The following CPQ variants were observed in gnomAD, a reference collection of about 807,000 sequenced individuals.
CPQ encodes carboxypeptidase Q, also known as Ser-Met dipeptidase.
Under a neutral mutation model 45.7 loss-of-function variants are expected in CPQ, and 37 were observed. The observed-to-expected ratio is 0.81, with a 90% CI of 0.62 to 1.07. CPQ has a LOEUF of 1.07. Among genes scored for constraint, CPQ ranks in the 50% least tolerant of loss-of-function variants. The pLI, the probability that CPQ is intolerant of heterozygous loss-of-function variation, is 0.00. For missense variants in CPQ, 537 were observed against 572.9 expected, an observed-to-expected ratio of 0.94 and a Z score of 0.64; for synonymous variants, 186 against 205.8, an observed-to-expected ratio of 0.90 and a Z score of 0.82.
intron 5 of CPQ, among the ~76,000 whole-genome samples, chr8:96,967,202 C>T (rs1470140909): frequency 6.6e-6 from 1 of 152,116 alleles, no homozygotes; most frequent in Non-Finnish European, 1.5e-5. Flanking sequence ...CATTTTTCCT[C>T]TTCAAAAATC....
intron 4 of CPQ, among the ~76,000 whole-genome samples, chr8:96,887,660 C>T (rs1812322516): frequency 1.3e-5 from 2 of 152,150 alleles, no homozygotes; most frequent in Non-Finnish European, 2.9e-5. Context: ...TTTTGATCCC[C>T]AGCAATTTCC....
chr8:96,708,718 A>G (rs183371698), intron 1 of CPQ, among the ~76,000 whole-genome samples: 1 of 152,216 alleles, frequency 6.6e-6, no homozygotes, highest in East Asian at 1.9e-4. Flanking sequence ...GTTCTAGATC[A>G]TCCTATCACC....
intron 7 of CPQ, among the ~76,000 whole-genome samples, chr8:97,077,611 G>T (rs1199017766): frequency 6.6e-6 from 1 of 152,104 alleles, no homozygotes; most frequent in Admixed American, 6.6e-5. Flanking sequence ...TGTATACTTT[G>T]TGGTAGTAAA....
At chr8:96,726,952 C>T (rs1044957551) in intron 1 of CPQ, among the ~76,000 whole-genome samples, 1 of 152,124 alleles carries the variant, frequency 6.6e-6, no homozygotes, top group Admixed American at 6.5e-5. Context: ...TTATAAATTA[C>T]CCAGTTTCAG....
chr8:96,734,703 T>G (rs1354471334), intron 1 of CPQ, among the ~76,000 whole-genome samples: 1 of 148,574 alleles, frequency 6.7e-6, no homozygotes, highest in Non-Finnish European at 1.5e-5. Context: ...AGAGCGAGAC[T>G]CCATCTCAAA....
At chr8:96,787,671 A>T (rs1586400898) in intron 2 of CPQ, among the ~76,000 whole-genome samples, 1 of 151,478 alleles carries the variant, frequency 6.6e-6, no homozygotes, top group East Asian at 1.9e-4. Flanking sequence ...GGTAGAATTC[A>T]CCAGTGAAGC....
intron 6 of CPQ, among the ~76,000 whole-genome samples, chr8:97,030,325 C>T (rs893631652): frequency 2.0e-5 from 3 of 151,454 alleles, no homozygotes; most frequent in Non-Finnish European, 2.9e-5. Flanking sequence ...TTATCCAAAT[C>T]GGAGAAGGGT....
At chr8:97,040,636 A>G (rs1810102326) in intron 6 of CPQ, among the ~76,000 whole-genome samples, 1 of 152,208 alleles carries the variant, frequency 6.6e-6, no homozygotes, top group Non-Finnish European at 1.5e-5. Flanking sequence ...TTAAGTCTTT[A>G]ATCCATCTTG....
chr8:96,908,747 G>GCACACACACACACACACGCGCACACACA (rs1554577101), intron 4 of CPQ, among the ~76,000 whole-genome samples: 1 of 140,918 alleles, frequency 7.1e-6, no homozygotes, highest in Non-Finnish European at 1.6e-5. Flanking sequence ...ATACACATGC[G>GCACACACACACACACACGCGCACACACA]CACACACACA....
intron 1 of CPQ, among the ~76,000 whole-genome samples, chr8:96,746,784 G>C (rs1810189612): frequency 6.6e-6 from 1 of 152,172 alleles, no homozygotes; most frequent in Non-Finnish European, 1.5e-5. Flanking sequence ...GTATTGCTCT[G>C]ATGTGGATAG....
At chr8:96,651,004 C>T (rs1278359710) in intron 1 of CPQ, among the ~76,000 whole-genome samples, 1 of 152,186 alleles carries the variant, frequency 6.6e-6, no homozygotes, top group Non-Finnish European at 1.5e-5. Context: ...CAAGATACAT[C>T]TCTAGTAGCC....
chr8:97,109,038 A>G (rs950082652), intron 7 of CPQ, among the ~76,000 whole-genome samples: 3 of 152,138 alleles, frequency 2.0e-5, no homozygotes, highest in African/African-American at 7.2e-5. Context: ...TGAGCATTAA[A>G]TTTACCTTAG....
At chr8:96,876,173 T>A (rs1399152771) in intron 3 of CPQ, among the ~76,000 whole-genome samples, 3 of 152,074 alleles carry the variant, frequency 2.0e-5, no homozygotes, top group African/African-American at 7.2e-5. Flanking sequence ...TCTGCTAACC[T>A]TGATGAACTT....
At chr8:96,860,307 T>A (rs1389399576) in intron 3 of CPQ, among the ~76,000 whole-genome samples, 1 of 152,186 alleles carries the variant, frequency 6.6e-6, no homozygotes, top group Non-Finnish European at 1.5e-5. Context: ...AAATCACTAA[T>A]AATAGCATAT....
chr8:96,874,760 TA>T (rs1452993795), intron 3 of CPQ, among the ~76,000 whole-genome samples: 2 of 151,932 alleles, frequency 1.3e-5, no homozygotes, highest in Non-Finnish European at 2.9e-5. Flanking sequence ...AGGTTGTTTC[TA>T]CCTTTTGACT....
At chr8:97,122,917 TAAAA>T (rs1811736675) in intron 7 of CPQ, among the ~76,000 whole-genome samples, 1 of 59,386 alleles carries the variant, frequency 1.7e-5, no homozygotes, top group Non-Finnish European at 2.7e-5. Flanking sequence ...TAAAATAAAA[TAAAA>T]TAAAATAAAT....
chr8:97,109,144 T>G (rs1811459757), intron 7 of CPQ, among the ~76,000 whole-genome samples: 1 of 152,166 alleles, frequency 6.6e-6, no homozygotes, highest in African/African-American at 2.4e-5. Context: ...TTCCCCACCC[T>G]TCACTGGCCC....
chr8:96,781,591 C>T (rs1183413719), intron 1 of CPQ, among the ~76,000 whole-genome samples: 3 of 152,124 alleles, frequency 2.0e-5, no homozygotes, highest in Non-Finnish European at 4.4e-5. Flanking sequence ...AAGTTAAACC[C>T]ATAGTATTCC....
At chr8:96,825,227 A>G (rs1240407297) in intron 2 of CPQ, among the ~76,000 whole-genome samples, 1 of 152,086 alleles carries the variant, frequency 6.6e-6, no homozygotes, top group Non-Finnish European at 1.5e-5. Context: ...GCTTCTGAAA[A>G]AAAATGAAGT....
Sources: gnomAD v4.1 joint callset for allele counts (sites outside exome capture counted in the v4.1 genomes callset) on GRCh38, gnomAD v4.1.1 for gene constraint, MANE v1.5 for transcripts, NCBI Gene and HGNC (gene_info 2026-07-23, HGNC 2026-07-21) for gene names.